PRDM10: variants seen among roughly 807,000 people sequenced by gnomAD.
The protein encoded by PRDM10 is PR domain zinc finger protein 10.
In PRDM10, 65 loss-of-function variants were observed where a neutral mutation model predicts 133.1. That is an observed-to-expected ratio of 0.49 (90% CI 0.40 to 0.60). PRDM10 has a LOEUF of 0.60. PRDM10 is among the 20% of genes least tolerant of loss of function. The pLI, the probability that PRDM10 is intolerant of heterozygous loss-of-function variation, is 0.00. For synonymous variants in PRDM10, 582 were observed against 580.4 expected (o/e 1.00, Z -0.04); for missense variants, 1,137 against 1,507.1 (o/e 0.75, Z 4.07).
At chr11:129,985,767 G>A (rs1382010057) in intron 1 of PRDM10, among the ~76,000 whole-genome samples, 7 of 23,534 alleles carry the variant, frequency 3.0e-4, no homozygotes, top group Non-Finnish European at 6.6e-4. Flanking sequence ...GGGTGACAAA[G>A]ACAAACCCTG....
chr11:129,957,928 C>T lies in PRDM10; in HGVS notation c.70-18G>A. On this transcript the variant is annotated intron_variant, in intron 2 of 20. Coordinates refer to ENST00000360871, the MANE Select transcript of PRDM10 (RefSeq NM_199437.2). The stretch of plus-strand genomic sequence containing the variant: ...AAGTGCACCTGGCATAAACAGGAGA[C>T]AAAGAACAAAATCAGTATCAGGAAG... 6.3e-7 allele frequency: 1 copy of T among 1,597,732 alleles called. No individual in the cohort carries two copies. The highest frequency in any genetic ancestry group is 8.5e-7 in the Non-Finnish European group (1 of 1,170,884).
intron 19 of PRDM10, among the ~76,000 whole-genome samples, chr11:129,907,680 G>A (rs1175594528): frequency 1.3e-5 from 2 of 151,996 alleles, no homozygotes; most frequent in Admixed American, 6.6e-5. Flanking sequence ...TGGGATTACA[G>A]ACGTGAGCCA....
chr11:129,900,916 A>T lies in PRDM10; in HGVS notation c.*1397T>A, dbSNP rs1285150584. On this transcript the variant is annotated 3_prime_UTR_variant, in exon 21 of 21. Coordinates refer to ENST00000360871, the MANE Select transcript of PRDM10 (RefSeq NM_199437.2). ...CACTTTTCAGAAAATTGTCTTTATCATAAAGAAGCTACTCTACTTAATTTA... is the reference window on the plus strand; with the variant it reads ...CACTTTTCAGAAAATTGTCTTTATCTTAAAGAAGCTACTCTACTTAATTTA... 6.6e-6 allele frequency: 1 copy of T among 152,648 alleles called. No homozygotes were observed. The highest frequency in any genetic ancestry group is 2.4e-5 in the African/African-American group (1 of 41,466). 9.5% of individuals were successfully genotyped at this position (152,648 alleles called of 1,614,324 possible).
chr11:129,991,489 G>C (rs529924598), intron 1 of PRDM10, among the ~76,000 whole-genome samples: 1 of 152,004 alleles, frequency 6.6e-6, no homozygotes, highest in African/African-American at 2.4e-5. Context: ...TTCCAGACCA[G>C]CCTGGCCAAC....
chr11:129,945,292 C>T lies in PRDM10; in HGVS notation c.521-280G>A, dbSNP rs547928307. 2.6e-5 allele frequency among the ~76,000 whole-genome samples: 4 copies of T among 152,198 alleles called. No individual in the cohort carries two copies. Among genetic ancestry groups the T allele is most frequent in the South Asian group, 4.1e-4 (2 of 4,828 alleles). On this transcript the variant is annotated intron_variant, in intron 5 of 20. Transcript: ENST00000360871. The surrounding 1 kb of genome is among the most constrained non-coding windows in gnomAD (Gnocchi z 4.2). The stretch of plus-strand genomic sequence containing the variant: ...TGCTGGAGAGTCCTTTGAATAGTGG[C>T]CACTAAATTTACAAATCAATTACAA...
At chr11:129,967,191 C>T (rs937817164) in intron 1 of PRDM10, among the ~76,000 whole-genome samples, 2 of 152,188 alleles carry the variant, frequency 1.3e-5, no homozygotes, top group Non-Finnish European at 2.9e-5. Flanking sequence ...GAGTTCGAGA[C>T]CAGCCTGGCC....
Position 129,947,677 on chromosome 11 carries a change from G to T in PRDM10, c.295-307C>A. 1.3e-6 allele frequency: 1 copy of T among 742,058 alleles called. No homozygotes were observed. The highest frequency in any genetic ancestry group is 2.0e-6 in the Non-Finnish European group (1 of 492,366). The allele number at this position is 742,058 out of a possible 1,614,324, so 46.0% of individuals were successfully genotyped here. A position where few individuals can be genotyped will look rare whatever the true frequency, so the allele number is the denominator to read the frequency against. On this transcript the variant is annotated intron_variant, in intron 4 of 20. Transcript: ENST00000360871. This position sits in a 1 kb window ranked among gnomAD's most constrained non-coding sequence, Gnocchi z 4.6. Reference sequence around the variant, plus strand: ...GGCAGCAGTGGGAGAGTCAACACTGGCAAGGCCCTGACCACCTGCGTCCTG... The same window carrying T: ...GGCAGCAGTGGGAGAGTCAACACTGTCAAGGCCCTGACCACCTGCGTCCTG...
intron 4 of PRDM10, among the ~76,000 whole-genome samples, chr11:129,953,318 G>A (rs1037672236): frequency 8.6e-5 from 13 of 151,570 alleles, no homozygotes; most frequent in East Asian, 1.9e-4. Context: ...GTTTTTACAC[G>A]GAGTCTTGCT....
At chr11:129,969,668 G>T (rs551040673) in intron 1 of PRDM10, among the ~76,000 whole-genome samples, 4 of 151,394 alleles carry the variant, frequency 2.6e-5, no homozygotes, top group African/African-American at 9.7e-5. Context: ...TTAGCCGGGC[G>T]TGGTGGTGCG....
chr11:129,913,399 A>G (rs1202302934), intron 17 of PRDM10, among the ~76,000 whole-genome samples: 1 of 152,180 alleles, frequency 6.6e-6, no homozygotes, highest in African/African-American at 2.4e-5. Context: ...ATAAGCCACT[A>G]TTAGATTCTG....
intron 2 of PRDM10, 73 bp from the exon 3 acceptor site, chr11:129,957,983 CT>C: frequency 1.4e-6 from 2 of 1,478,056 alleles, no homozygotes; most frequent in Non-Finnish European, 1.8e-6. Context: ...ACCTGGGTTT[CT>C]AAAAGATCCC....
At chr11:129,943,223 T>C (rs1460237284) in intron 6 of PRDM10, among the ~76,000 whole-genome samples, 1 of 152,214 alleles carries the variant, frequency 6.6e-6, no homozygotes, top group African/African-American at 2.4e-5. Context: ...AAGAGATGAC[T>C]ATAAACATAC....
At position 129,937,588 on chromosome 11, in the gene PRDM10, G is replaced by GTCTA. The variant is rs1565478663; in HGVS notation, c.1039+6_1039+9dup. The GTCTA allele has an allele frequency of 6.2e-7, 1 of 1,610,702 alleles. No individual in the cohort carries two copies. Among genetic ancestry groups the GTCTA allele is most frequent in the East Asian group, 2.2e-5 (1 of 44,838 alleles). ...CATATAGAAAATGTAAAACATAAAC[G>GTCTA]TCTAACCACCTTTCCTTTCTTCCTC... On this transcript the variant is annotated intron_variant, in intron 8 of 20. Transcript: ENST00000360871.
intron 1 of PRDM10, among the ~76,000 whole-genome samples, chr11:130,000,899 C>T (rs1939324725): frequency 6.6e-6 from 1 of 152,152 alleles, no homozygotes; most frequent in African/African-American, 2.4e-5. Context: ...TTGAGCTCAG[C>T]AGTTCGTAAC....
intron 1 of PRDM10, among the ~76,000 whole-genome samples, chr11:129,989,174 C>T (rs1277840313): frequency 6.6e-6 from 1 of 152,110 alleles, no homozygotes; most frequent in Non-Finnish European, 1.5e-5. Flanking sequence ...AGCACAGTGG[C>T]TCACTCTGTA....
rs575037115 is a variant in PRDM10, at chr11:129,974,245, G to T, written c.-118-13163C>A. 2.0e-5 allele frequency among the ~76,000 whole-genome samples: 3 copies of T among 152,312 alleles called. No homozygotes were observed. The South Asian group carries it at 6.2e-4, about 32-fold the overall frequency. On this transcript the variant is annotated intron_variant, in intron 1 of 20. Coordinates refer to ENST00000360871, the MANE Select transcript of PRDM10 (RefSeq NM_199437.2). ...ATATATGTTACATGAAAGAAATAATGACCAGGGTCATTTCTGAGACACAAA... is the reference window on the plus strand; with the variant it reads ...ATATATGTTACATGAAAGAAATAATTACCAGGGTCATTTCTGAGACACAAA...
chr11:129,923,291 T>C lies in PRDM10; in HGVS notation c.1991A>G (p.Asp664Gly). The change falls in exon 13 of 21, where the codon GAC becomes GGC. Residue 664 changes from aspartate to glycine, a missense_variant. This residue lies in a region of PRDM10 where 78 missense variants were observed against 96.4 expected (regional missense o/e 0.81). Coordinates refer to ENST00000360871, the MANE Select transcript of PRDM10 (RefSeq NM_199437.2). The surrounding 1 kb of genome is among the most constrained non-coding windows in gnomAD (Gnocchi z 4.4). ...KLRLHMLRHSDRKDFLCSTCG... is the reference protein window; with the variant it reads ...KLRLHMLRHSGRKDFLCSTCG... ...GGTGGAACACAGGAAGTCTTTGCGG[T>C]CCGAATGCCGGAGCATGTGGAGTCG... 1 of 1,599,650 alleles carries C rather than the reference T, an allele frequency of 6.3e-7. No homozygotes were observed. The highest frequency in any genetic ancestry group is 1.3e-5 in the African/African-American group (1 of 74,856).
At chr11:129,929,540 CT>C (rs1950785541) in intron 11 of PRDM10, 3 of 839,948 alleles carry the variant, frequency 3.6e-6, no homozygotes, top group Admixed American at 3.3e-5. Context: ...CATAGCCCTA[CT>C]TTTTAGAATG....
At chr11:129,985,810 ATATATATATATAT>A (rs1215868147) in intron 1 of PRDM10, among the ~76,000 whole-genome samples, 2 of 59,320 alleles carry the variant, frequency 3.4e-5, no homozygotes, top group African/African-American at 1.9e-4. Flanking sequence ...AAAAAAAAAA[ATATATATATATAT>A]ATATATATAT....
Sources: allele counts gnomAD v4.1 joint callset (sites outside exome capture counted in the v4.1 genomes callset), GRCh38; gene constraint gnomAD v4.1.1; regional missense constraint gnomAD v4.1.1; non-coding constraint Gnocchi (gnomAD v3.1); transcripts MANE v1.5; gene names NCBI Gene and HGNC (gene_info 2026-07-23, HGNC 2026-07-21).